NTNG1: variants seen among roughly 807,000 people sequenced by gnomAD.
The protein encoded by NTNG1 is netrin-G1.
In NTNG1, 16 loss-of-function variants were observed where a neutral mutation model predicts 54.0. That is an observed-to-expected ratio of 0.30 (90% CI 0.20 to 0.45). NTNG1 has a LOEUF of 0.45. Ranked by LOEUF, NTNG1 falls within the 20% of genes least tolerant of loss-of-function variation. The pLI is 1.00. For missense variants in NTNG1, 530 were observed against 678.7 expected, an observed-to-expected ratio of 0.78 and a Z score of 2.43; for synonymous variants, 255 against 263.1, an observed-to-expected ratio of 0.97 and a Z score of 0.30.
intron 2 of NTNG1, among the ~76,000 whole-genome samples, chr1:107,266,397 T>C (rs1022990055): frequency 1.1e-4 from 17 of 152,220 alleles, no homozygotes; most frequent in African/African-American, 3.6e-4. Context: ...AGAAAGTGAT[T>C]CAGGCATGTC....
At position 107,400,339 on chromosome 1, in the gene NTNG1, A is replaced by G. The variant is rs76274435; in HGVS notation, c.1060+5013A>G. ...TACAACTGGTCAACTATCTTTAGCC[A>G]AAATTATTATAATAATGATAGCTAC... On this transcript the variant is annotated intron_variant, in intron 4 of 7. Transcript: ENST00000370068. Among the ~76,000 whole-genome samples, 2,398 of 152,264 alleles carry G rather than the reference A, an allele frequency of 0.016. 95 individuals are homozygous for G. In the East Asian group the frequency reaches 0.18, roughly 11 times the overall value.
intron 3 of NTNG1, among the ~76,000 whole-genome samples, chr1:107,361,179 A>T (rs1359374447): frequency 6.9e-6 from 1 of 144,316 alleles, no homozygotes; most frequent in South Asian, 2.1e-4. Context: ...AATATATATT[A>T]TATTATATAT....
intron 4 of NTNG1, among the ~76,000 whole-genome samples, chr1:107,404,231 G>A (rs1673252960): frequency 6.6e-6 from 1 of 151,878 alleles, no homozygotes; most frequent in Admixed American, 6.6e-5. Context: ...ACAAATGAGA[G>A]TATCAAAAAA....
intron 1 of NTNG1, among the ~76,000 whole-genome samples, chr1:107,144,610 T>G (rs1653975814): frequency 6.6e-6 from 1 of 151,988 alleles, no homozygotes; most frequent in Admixed American, 6.6e-5. Context: ...AAAGGGCCTG[T>G]GAAAATGGCT....
intron 7 of NTNG1, among the ~76,000 whole-genome samples, chr1:107,474,587 A>G (rs781077422): frequency 2.2e-4 from 34 of 152,220 alleles, no homozygotes; most frequent in Non-Finnish European, 1.2e-4. Context: ...AGAATACCAC[A>G]CACTGGGTAA....
intron 2 of NTNG1, among the ~76,000 whole-genome samples, chr1:107,305,350 C>A (rs1446908898): frequency 2.0e-5 from 3 of 152,204 alleles, no homozygotes; most frequent in Non-Finnish European, 4.4e-5. Flanking sequence ...TACACTCCCA[C>A]CAACAGTGTA....
intron 3 of NTNG1, among the ~76,000 whole-genome samples, chr1:107,338,601 T>A (rs978223695): frequency 6.6e-6 from 1 of 151,978 alleles, no homozygotes; most frequent in East Asian, 1.9e-4. Flanking sequence ...CATGATTCAC[T>A]TCTTCATTTC....
intron 2 of NTNG1, among the ~76,000 whole-genome samples, chr1:107,155,920 A>G (rs1301175005): frequency 6.6e-6 from 1 of 152,170 alleles, no homozygotes; most frequent in Non-Finnish European, 1.5e-5. Flanking sequence ...ACTTAACATC[A>G]TGTTATAGTT....
At chr1:107,381,762 A>C (rs1671660866) in intron 3 of NTNG1, among the ~76,000 whole-genome samples, 1 of 152,244 alleles carries the variant, frequency 6.6e-6, no homozygotes. Flanking sequence ...GGACACAGCT[A>C]GATTCAGACA....
chr1:107,144,393 A>G (rs1258621757), intron 1 of NTNG1, among the ~76,000 whole-genome samples: 1 of 152,112 alleles, frequency 6.6e-6, no homozygotes, highest in Non-Finnish European at 1.5e-5. Context: ...TTTATGAAAA[A>G]AATAGCTTAC....
At chr1:107,344,988 A>G (rs931011597) in intron 3 of NTNG1, among the ~76,000 whole-genome samples, 6 of 152,190 alleles carry the variant, frequency 3.9e-5, no homozygotes, top group African/African-American at 1.4e-4. Flanking sequence ...TATTTTTACT[A>G]TCAGGAAAAG....
intron 2 of NTNG1, among the ~76,000 whole-genome samples, chr1:107,256,232 T>C (rs542850940): frequency 6.6e-6 from 1 of 152,330 alleles, no homozygotes; most frequent in South Asian, 2.1e-4. Flanking sequence ...TTATGGGCCA[T>C]GAGCTTCCCA....
intron 2 of NTNG1, among the ~76,000 whole-genome samples, chr1:107,221,922 C>T (rs1480529603): frequency 6.6e-6 from 1 of 152,174 alleles, no homozygotes. Flanking sequence ...TATCCAGCCT[C>T]ATTTCCAACC....
At chr1:107,307,024 T>C (rs945880507) in intron 2 of NTNG1, among the ~76,000 whole-genome samples, 2 of 152,210 alleles carry the variant, frequency 1.3e-5, no homozygotes, top group African/African-American at 4.8e-5. Context: ...CTGAATTCTG[T>C]GTTAGCTGGC....
At chr1:107,326,551 G>C (rs1667964543) in intron 3 of NTNG1, among the ~76,000 whole-genome samples, 1 of 152,068 alleles carries the variant, frequency 6.6e-6, no homozygotes, top group African/African-American at 2.4e-5. Context: ...ATGATAGCTT[G>C]CCACAATGAA....
chr1:107,174,742 A>T (rs1215307667), intron 2 of NTNG1, among the ~76,000 whole-genome samples: 2 of 146,424 alleles, frequency 1.4e-5, no homozygotes, highest in Admixed American at 1.4e-4. Context: ...AAATTTAGAG[A>T]TTTTTTTTTT....
intron 3 of NTNG1, among the ~76,000 whole-genome samples, chr1:107,392,833 A>T (rs779959626): frequency 3.9e-4 from 59 of 152,164 alleles, no homozygotes; most frequent in Non-Finnish European, 6.3e-4. Flanking sequence ...AAAAGCCTTT[A>T]GTAACAACCT....
At chr1:107,378,504 C>CT (rs1397022014) in intron 3 of NTNG1, among the ~76,000 whole-genome samples, 3 of 152,132 alleles carry the variant, frequency 2.0e-5, no homozygotes, top group African/African-American at 7.2e-5. Flanking sequence ...AGACTCAAAT[C>CT]TGGGGTACTT....
intron 7 of NTNG1, among the ~76,000 whole-genome samples, chr1:107,446,171 T>C (rs948912352): frequency 2.0e-5 from 3 of 152,142 alleles, no homozygotes; most frequent in Non-Finnish European, 4.4e-5. Context: ...TAACTGGTTC[T>C]TATTTACAAG....
Sources: gnomAD v4.1 joint callset for allele counts (sites outside exome capture counted in the v4.1 genomes callset) on GRCh38, gnomAD v4.1.1 for gene constraint, MANE v1.5 for transcripts, NCBI Gene and HGNC (gene_info 2026-07-23, HGNC 2026-07-21) for gene names.